SLC4A4: variants seen among roughly 807,000 people sequenced by gnomAD.
SLC4A4 encodes the protein solute carrier family 4 member 4.
A neutral mutation model predicts 111.5 loss-of-function variants in SLC4A4; 27 were observed. The observed-to-expected ratio is 0.24, with a 90% CI of 0.18 to 0.33. The LOEUF (loss-of-function observed/expected upper bound fraction) is 0.33. Ranked by LOEUF, SLC4A4 falls within the 10% of genes least tolerant of loss-of-function variation. The pLI, the probability that SLC4A4 is intolerant of heterozygous loss-of-function variation, is 1.00. For missense variants in SLC4A4, 909 were observed against 1,315.5 expected (o/e 0.69, Z 4.78); for synonymous variants, 443 against 463.4 (o/e 0.96, Z 0.57).
intron 16 of SLC4A4, among the ~76,000 whole-genome samples, chr4:71,506,275 C>T (rs922295344): frequency 2.0e-5 from 3 of 152,140 alleles, no homozygotes; most frequent in African/African-American, 4.8e-5. Flanking sequence ...TTGTTTTGGG[C>T]AGTATGGCCA....
chr4:71,242,461 G>C (rs1447577235), intron 2 of SLC4A4, among the ~76,000 whole-genome samples: 1 of 152,120 alleles, frequency 6.6e-6, no homozygotes, highest in African/African-American at 2.4e-5. Flanking sequence ...CATTGCATAG[G>C]TGAAGGAAGC....
rs560698755 is a variant in SLC4A4 at position 71,167,242 on chromosome 4, G to T, written c.-1-69334G>T. ...CTACAGAGAGGTGGCTTCTCCATGT[G>T]GCCACTCCAACTAGCTTGGCTTGGA... On this transcript the variant is annotated intron_variant, in intron 2 of 26. Coordinates refer to the SLC4A4 transcript ENST00000649996. Among the ~76,000 whole-genome samples the T allele has an allele frequency of 3.3e-5, 5 of 152,214 alleles. No individual in the cohort carries two copies. In the East Asian group the frequency reaches 9.7e-4, roughly 29 times the overall value.
At chr4:71,127,244 C>T (rs1025540228) in intron 2 of SLC4A4, among the ~76,000 whole-genome samples, 1 of 152,170 alleles carries the variant, frequency 6.6e-6, no homozygotes, top group Non-Finnish European at 1.5e-5. Context: ...CATATGGATA[C>T]ATTCCAGGGG....
chr4:71,494,256 G>A (rs1319795078), intron 15 of SLC4A4, among the ~76,000 whole-genome samples: 3 of 152,056 alleles, frequency 2.0e-5, no homozygotes, highest in African/African-American at 4.8e-5. Flanking sequence ...AACAGATAAT[G>A]TGCTAAGAGA....
Position 71,567,917 on chromosome 4 carries a change from A to G in SLC4A4, c.*166A>G. ...AACCTGTTTGTCTTTCTTAAAACTG[A>G]CATTTGTTGTTAATGTCATTTGTTT... On this transcript the variant is annotated 3_prime_UTR_variant, in exon 26 of 26. Transcript: ENST00000264485. The G allele has an allele frequency of 8.0e-7, 1 of 1,257,306 alleles. No homozygotes were observed. The highest frequency in any genetic ancestry group is 1.9e-4 in the Middle Eastern group (1 of 5,374). The allele number at this position is 1,257,306 out of a possible 1,614,324, so 77.9% of individuals were successfully genotyped here.
At chr4:71,084,647 A>G (rs567064249) in intron 1 of SLC4A4, among the ~76,000 whole-genome samples, 15 of 152,094 alleles carry the variant, frequency 9.9e-5, no homozygotes, top group African/African-American at 3.4e-4. Flanking sequence ...GAGTAAGAAC[A>G]TGCGGTGTTT....
rs193162901 is a variant in SLC4A4 at position 71,419,888 on chromosome 4, G to A, written c.808-20728G>A. 5.9e-3 allele frequency among the ~76,000 whole-genome samples: 896 copies of A among 152,274 alleles called. 6 individuals are homozygous for A. The highest frequency in any genetic ancestry group is 0.031 in the Middle Eastern group (9 of 294). On this transcript the variant is annotated intron_variant, in intron 7 of 25. Transcript: ENST00000264485. Reference sequence around the variant, plus strand: ...AAGTAGATAAAACCACAAAGATGGGGGAAAAACAGAGCAGAAAAACTAGAA... The same window carrying A: ...AAGTAGATAAAACCACAAAGATGGGAGAAAAACAGAGCAGAAAAACTAGAA...
intron 3 of SLC4A4, among the ~76,000 whole-genome samples, chr4:71,289,762 T>G (rs893952484): frequency 1.3e-5 from 2 of 152,202 alleles, no homozygotes; most frequent in African/African-American, 2.4e-5. Context: ...GTGAAGCAAG[T>G]CACATTTGAC....
At chr4:71,384,844 A>G (rs943304989) in intron 6 of SLC4A4, among the ~76,000 whole-genome samples, 8 of 151,688 alleles carry the variant, frequency 5.3e-5, no homozygotes, top group Admixed American at 1.3e-4. Flanking sequence ...TTGTGAAAAA[A>G]GGATGTAGGA....
chr4:71,434,325 A>G (rs1458423716), intron 7 of SLC4A4: 2 of 152,756 alleles, frequency 1.3e-5, no homozygotes, highest in African/African-American at 4.8e-5. Flanking sequence ...AACTAACATA[A>G]TACAACAATT....
At position 71,088,408 on chromosome 4, in the gene SLC4A4, A is replaced by G. The variant is rs1054849980; in HGVS notation, c.-64-4322A>G. On this transcript the variant is annotated intron_variant, in intron 1 of 26. Transcript: ENST00000649996. ...TGGAGCATTTAGCCCATTTACATTT[A>G]AGGTTAATATTGTTATGTGTGAATT... Among the ~76,000 whole-genome samples, 46 of 151,920 alleles carry G rather than the reference A, an allele frequency of 3.0e-4. 3 individuals carry two copies.
intron 2 of SLC4A4, among the ~76,000 whole-genome samples, chr4:71,121,161 C>A (rs1050350527): frequency 6.6e-6 from 1 of 152,196 alleles, no homozygotes; most frequent in Non-Finnish European, 1.5e-5. Flanking sequence ...GCTGCCTCCC[C>A]ACAGGGAGGT....
intron 3 of SLC4A4, among the ~76,000 whole-genome samples, chr4:71,323,726 A>C (rs1727294526): frequency 6.6e-6 from 1 of 152,038 alleles, no homozygotes; most frequent in Non-Finnish European, 1.5e-5. Context: ...TGAACTCTGT[A>C]CTTACCCCCA....
At chr4:71,219,701 AC>A (rs1387617369) in intron 1 of SLC4A4, among the ~76,000 whole-genome samples, 6 of 152,246 alleles carry the variant, frequency 3.9e-5, no homozygotes, top group Admixed American at 2.6e-4. Flanking sequence ...GCCATTAAAA[AC>A]ATTTATGATT....
intron 3 of SLC4A4, among the ~76,000 whole-genome samples, chr4:71,265,458 G>A (rs1374234158): frequency 2.0e-5 from 3 of 152,150 alleles, no homozygotes; most frequent in Non-Finnish European, 4.4e-5. Context: ...GGATAACACT[G>A]AAAGTAAAAG....
At chr4:71,478,194 A>G (rs1407448484) in intron 14 of SLC4A4, among the ~76,000 whole-genome samples, 5 of 151,962 alleles carry the variant, frequency 3.3e-5, no homozygotes, top group Non-Finnish European at 7.4e-5. Flanking sequence ...ATTGTGGAAG[A>G]CAGTGTGGTG....
intron 2 of SLC4A4, among the ~76,000 whole-genome samples, chr4:71,099,781 GA>G (rs1742668684): frequency 6.6e-6 from 1 of 151,966 alleles, no homozygotes; most frequent in African/African-American, 2.4e-5. Flanking sequence ...TTTTACCACT[GA>G]CCCACAGAAA....
intron 2 of SLC4A4, among the ~76,000 whole-genome samples, chr4:71,135,296 CTT>C (rs376221639): frequency 0.052 from 6,767 of 130,542 alleles, 223 homozygotes; most frequent in African/African-American, 0.11. Flanking sequence ...ACAATCTACT[CTT>C]TTTTTTTTTT....
intron 14 of SLC4A4, among the ~76,000 whole-genome samples, chr4:71,484,018 G>C (rs1403269865): frequency 6.6e-6 from 1 of 151,294 alleles, no homozygotes; most frequent in Non-Finnish European, 1.5e-5. Context: ...TTTTTAATAG[G>C]GCTGGTTTTT....
Sources: gnomAD v4.1 joint callset for allele counts (sites outside exome capture counted in the v4.1 genomes callset) on GRCh38, gnomAD v4.1.1 for gene constraint, MANE v1.5 for transcripts, NCBI Gene and HGNC (gene_info 2026-07-23, HGNC 2026-07-21) for gene names.